The following GFRAL variants were observed in gnomAD, a reference collection of about 807,000 sequenced individuals.
GFRAL encodes the protein GDNF family receptor alpha-like.
Under a neutral mutation model 45.4 loss-of-function variants are expected in GFRAL, and 36 were observed. The ratio of observed to expected loss-of-function variants is 0.79; its 90% CI spans 0.61 to 1.05. The LOEUF (loss-of-function observed/expected upper bound fraction) is 1.05, where lower values mean the gene tolerates loss of function less well. Among genes scored for constraint, GFRAL ranks in the 50% least tolerant of loss-of-function variants. The pLI is 0.00. For synonymous variants in GFRAL, 166 were observed against 154.1 expected (o/e 1.08, Z -0.57); for missense variants, 507 against 467.5 (o/e 1.08, Z -0.78).
chr6:55,401,116 A>G (rs10948911), intron 8 of GFRAL, among the ~76,000 whole-genome samples: 65,603 of 151,998 alleles, frequency 0.43, 14,204 homozygotes, highest in East Asian at 0.54. Context: ...CAGTGGGGGC[A>G]TTATTATTAT....
intron 3 of GFRAL, among the ~76,000 whole-genome samples, chr6:55,339,758 C>T (rs1288080550): frequency 6.6e-6 from 1 of 152,050 alleles, no homozygotes; most frequent in African/African-American, 2.4e-5. Context: ...TGCTGAAATG[C>T]TTATTAAAAT....
intron 6 of GFRAL, among the ~76,000 whole-genome samples, chr6:55,368,245 G>T (rs910037048): frequency 6.6e-6 from 1 of 151,616 alleles, no homozygotes; most frequent in Non-Finnish European, 1.5e-5. Context: ...AGCTCCTGAG[G>T]CTTCTGCATT....
intron 3 of GFRAL, 134 bp from the exon 4 acceptor site, chr6:55,349,958 C>A: frequency 1.5e-6 from 1 of 657,356 alleles, no homozygotes; most frequent in Non-Finnish European, 2.7e-6. Flanking sequence ...GGGCTAAATA[C>A]ATGTTACATA....
In GFRAL at chr6:55,360,869, A is replaced by T. The variant is rs1768265789; in HGVS notation, c.952+1731A>T. Among the ~76,000 whole-genome samples, 5 of 152,098 alleles carry T rather than the reference A, an allele frequency of 3.3e-5. No individual in the cohort carries two copies. In the East Asian group the frequency reaches 9.7e-4, roughly 29 times the overall value. On this transcript the variant is annotated intron_variant, in intron 6 of 8. Transcript: ENST00000340465. ...TAGGTTCTTTCTAATATTACAAGGTATGAAGAAAAATGTTGATTCTACAGG... is the reference window on the plus strand; with the variant it reads ...TAGGTTCTTTCTAATATTACAAGGTTTGAAGAAAAATGTTGATTCTACAGG...
At chr6:55,400,069 A>G (rs1450875789) in intron 8 of GFRAL, among the ~76,000 whole-genome samples, 2 of 152,128 alleles carry the variant, frequency 1.3e-5, no homozygotes, top group African/African-American at 4.8e-5. Flanking sequence ...CAACCTCTAG[A>G]TTTCTAAACG....
chr6:55,387,967 T>G (rs992792550), intron 6 of GFRAL, among the ~76,000 whole-genome samples: 1 of 152,118 alleles, frequency 6.6e-6, no homozygotes, highest in African/African-American at 2.4e-5. Context: ...GATAAAAGAA[T>G]GTAGAATGGA....
intron 3 of GFRAL, among the ~76,000 whole-genome samples, chr6:55,344,771 T>C (rs1163071144): frequency 6.6e-6 from 1 of 152,190 alleles, no homozygotes; most frequent in Non-Finnish European, 1.5e-5. Flanking sequence ...GCAGATGACA[T>C]GACTGTATAT....
intron 6 of GFRAL, among the ~76,000 whole-genome samples, chr6:55,380,586 C>A (rs577087148): frequency 9.2e-5 from 14 of 151,834 alleles, no homozygotes; most frequent in Non-Finnish European, 1.8e-4. Context: ...TTGGGAAAAC[C>A]CAGTCACCAG....
At chr6:55,378,003 A>T (rs1475434508) in intron 6 of GFRAL, among the ~76,000 whole-genome samples, 2 of 152,014 alleles carry the variant, frequency 1.3e-5, no homozygotes, top group African/African-American at 2.4e-5. Flanking sequence ...ACTGAACTTT[A>T]TTCATAGGAG....
intron 3 of GFRAL, among the ~76,000 whole-genome samples, chr6:55,337,795 C>T (rs1767911116): frequency 2.0e-5 from 3 of 152,046 alleles, no homozygotes; most frequent in Admixed American, 6.6e-5. Context: ...TTTATGTTTA[C>T]ATATTGATAA....
intron 6 of GFRAL, among the ~76,000 whole-genome samples, chr6:55,397,550 A>T (rs1768843662): frequency 2.0e-5 from 3 of 147,652 alleles, no homozygotes; most frequent in Admixed American, 2.0e-4. Context: ...AAAAAAAAAA[A>T]TGCCTTAACT....
chr6:55,329,743 C>A (rs1767807014), intron 1 of GFRAL, among the ~76,000 whole-genome samples: 1 of 151,972 alleles, frequency 6.6e-6, no homozygotes. Flanking sequence ...CAAGCTACAC[C>A]CATGGGCCTA....
intron 6 of GFRAL, among the ~76,000 whole-genome samples, chr6:55,389,656 G>A (rs944069546): frequency 1.3e-5 from 2 of 152,078 alleles, no homozygotes; most frequent in East Asian, 3.9e-4. Flanking sequence ...TTTAGAGCAA[G>A]GTCTTCAATC....
At chr6:55,367,582 G>T (rs542196307) in intron 6 of GFRAL, among the ~76,000 whole-genome samples, 1 of 151,072 alleles carries the variant, frequency 6.6e-6, no homozygotes, top group African/African-American at 2.4e-5. Flanking sequence ...GCTGGTACCG[G>T]TTGTTCCTTT....
chr6:55,395,416 T>C (rs1394435199), intron 6 of GFRAL, among the ~76,000 whole-genome samples: 1 of 151,852 alleles, frequency 6.6e-6, no homozygotes, highest in East Asian at 1.9e-4. Flanking sequence ...CTTTCATTTG[T>C]CTTATTTATT....
intron 6 of GFRAL, among the ~76,000 whole-genome samples, chr6:55,398,208 G>A (rs1390917759): frequency 2.0e-5 from 3 of 152,012 alleles, no homozygotes; most frequent in Non-Finnish European, 4.4e-5. Context: ...AGTTTTCATC[G>A]GATGTAATAT....
In GFRAL at chr6:55,331,872, A is replaced by T. The variant is rs755371298; in HGVS notation, c.157+23A>T. On this transcript the variant is annotated intron_variant, in intron 2 of 8. Coordinates refer to ENST00000340465, the MANE Select transcript of GFRAL (RefSeq NM_207410.2). ...CAGGTAAACAAGTTGCTAAAAATAC[A>T]CTCAAATGATTTATTTTTACTAAGA... 22 of 1,590,868 alleles carry T rather than the reference A, an allele frequency of 1.4e-5. No individual in the cohort carries two copies. The Middle Eastern group carries it at 1.5e-3, about 108-fold the overall frequency.
chr6:55,398,616 T>TAGA (rs1768856832), intron 6 of GFRAL, among the ~76,000 whole-genome samples: 1 of 152,184 alleles, frequency 6.6e-6, no homozygotes, highest in Admixed American at 6.5e-5. Flanking sequence ...TTTCTAAAAT[T>TAGA]GTGAGCTATT....
chr6:55,363,017 G>T (rs1768298405), intron 6 of GFRAL, among the ~76,000 whole-genome samples: 1 of 151,042 alleles, frequency 6.6e-6, no homozygotes, highest in Non-Finnish European at 1.5e-5. Context: ...AGAACAAGGA[G>T]AAGAAGTAGG....
Sources: gnomAD v4.1 joint callset for allele counts (sites outside exome capture counted in the v4.1 genomes callset) on GRCh38, gnomAD v4.1.1 for gene constraint, MANE v1.5 for transcripts, NCBI Gene and HGNC (gene_info 2026-07-23, HGNC 2026-07-21) for gene names.